Variants in CENPM observed in about 807,000 individuals in gnomAD.
The protein encoded by CENPM is interphase centromere complex protein 39.
A neutral mutation model predicts 19.6 loss-of-function variants in CENPM; 14 were observed. The observed-to-expected ratio is 0.71, with a 90% confidence interval of 0.47 to 1.11. CENPM has a LOEUF of 1.11. CENPM is among the 50% of genes most tolerant of loss of function. The pLI is 0.00. For missense variants in CENPM, 239 were observed against 228.4 expected (o/e 1.05, Z -0.30); for synonymous variants, 114 against 101.5 (o/e 1.12, Z -0.74).
chr22:41,932,370 C>T, the CENPM span, among the ~76,000 whole-genome samples: 1 of 152,224 alleles, frequency 6.6e-6, no homozygotes, highest in Non-Finnish European at 1.5e-5. The surrounding 1 kb of genome is among the most constrained non-coding windows in gnomAD (Gnocchi z 4.3). Context: ...AGCACAAAGT[C>T]CTGGCGAGTC....
intron 2 of CENPM, 105 bp downstream of exon 2, chr22:41,946,312 C>A: frequency 1.0e-6 from 1 of 963,826 alleles, no homozygotes. Context: ...GGGAGAAGGA[C>A]CAGCCTCAGA....
At chr22:41,932,139 G>A in the CENPM span, among the ~76,000 whole-genome samples, 3 of 152,230 alleles carry the variant, frequency 2.0e-5, no homozygotes, top group Admixed American at 6.5e-5. This position sits in a 1 kb window ranked among gnomAD's most constrained non-coding sequence, Gnocchi z 4.3. Flanking sequence ...TCTGCTGGCT[G>A]GGTTGGGCCT....
rs894999622 is a variant in CENPM, at chr22:41,938,946, C to T, written c.*110G>A. 19 of 1,425,152 alleles carry T rather than the reference C, an allele frequency of 1.3e-5. 1 individual carries two copies. Among genetic ancestry groups the T allele is most frequent in the South Asian group, 2.7e-5 (2 of 73,488 alleles). The allele number at this position is 1,425,152 out of a possible 1,614,324, so 88.3% of individuals were successfully genotyped here. On this transcript the variant is annotated 3_prime_UTR_variant, in exon 6 of 6. Coordinates refer to ENST00000215980, the MANE Select transcript of CENPM (RefSeq NM_024053.5). ...GCACTGCAGGGAACCTTCCCAGCCA[C>T]GGCGGGCTGAGCCTGGGCCTGTCAA...
chr22:41,929,321 G>A, the CENPM span, among the ~76,000 whole-genome samples: 1 of 152,216 alleles, frequency 6.6e-6, no homozygotes, highest in East Asian at 1.9e-4. Context: ...GCAGAGGCCT[G>A]ACTGAGTACC....
chr22:41,947,087 G>A lies in CENPM; in HGVS notation c.-11C>T, dbSNP rs6002555. 422,943 of 1,611,692 alleles carry A rather than the reference G, an allele frequency of 0.26. 73,319 individuals carry two copies. The highest frequency in any genetic ancestry group is 0.83 in the African/African-American group (62,056 of 74,952). ...CCTCAACACCGACATCACAGCCGCA[G>A]GACCAACCGTTGCTCCTGCGGTGCG... On this transcript the variant is annotated 5_prime_UTR_variant, in exon 1 of 6. Coordinates refer to ENST00000215980, the MANE Select transcript of CENPM (RefSeq NM_024053.5).
intron 3 of CENPM, among the ~76,000 whole-genome samples, 180 bp downstream of exon 3, chr22:41,945,733 G>A (rs1353632654): frequency 6.6e-6 from 1 of 152,132 alleles, no homozygotes; most frequent in African/African-American, 2.4e-5. Flanking sequence ...ATTGTGCCCG[G>A]CCGTTGTGTA....
At chr22:41,943,775 G>A in intron 4 of CENPM, 74 bp from the exon 5 acceptor site, 2 of 1,333,178 alleles carry the variant, frequency 1.5e-6, no homozygotes, top group Non-Finnish European at 2.1e-6. Flanking sequence ...GCTGGGCAGA[G>A]TCACTCACTT....
At chr22:41,940,086 C>A in intron 5 of CENPM, 1 of 729,028 alleles carries the variant, frequency 1.4e-6, no homozygotes, top group East Asian at 2.6e-5. Context: ...ATTTCTCCAC[C>A]CCAACCCGCC....
At chr22:41,945,436 T>A (rs1375923107) in intron 3 of CENPM, 132 bp from the exon 4 acceptor site, 8 of 1,470,306 alleles carry the variant, frequency 5.4e-6, no homozygotes, top group South Asian at 2.8e-5. Context: ...TGGAGAAATA[T>A]TTGTCCTTTA....
intron 5 of CENPM, among the ~76,000 whole-genome samples, chr22:41,941,493 CAG>C (rs2077738266): frequency 6.6e-6 from 1 of 152,182 alleles, no homozygotes; most frequent in South Asian, 2.1e-4. Flanking sequence ...CCACTTGTCA[CAG>C]GGTGAGTAGG....
chr22:41,939,569 T>A (rs1028776102), intron 5 of CENPM, among the ~76,000 whole-genome samples: 1 of 151,856 alleles, frequency 6.6e-6, no homozygotes, highest in South Asian at 2.1e-4. Context: ...GGGCCCCAGA[T>A]GCTCAAGACC....
chr22:41,942,220 C>T (rs905264669), intron 5 of CENPM, among the ~76,000 whole-genome samples: 2 of 152,234 alleles, frequency 1.3e-5, no homozygotes, highest in South Asian at 2.1e-4. Context: ...TGTGGCAGTG[C>T]GGGCCCTGGG....
chr22:41,938,700 T>C (rs1436427216), downstream of CENPM: 1 of 209,206 alleles, frequency 4.8e-6, no homozygotes, highest in Non-Finnish European at 9.6e-6. Context: ...TGAGTCAGTT[T>C]CCTCATCTAC....
chr22:41,939,004 T>G lies in CENPM; in HGVS notation c.*52A>C. The G allele has an allele frequency of 1.2e-6, 2 of 1,601,412 alleles. No homozygotes were observed. The highest frequency in any genetic ancestry group is 1.7e-6 in the Non-Finnish European group (2 of 1,173,564). On this transcript the variant is annotated 3_prime_UTR_variant, in exon 6 of 6. Coordinates refer to ENST00000215980, the MANE Select transcript of CENPM (RefSeq NM_024053.5). ...CTGGACATCCTCAACAGAGAATGTT[T>G]ATGGAGTCAGCACGAAGCCATGAGA...
intron 5 of CENPM, among the ~76,000 whole-genome samples, chr22:41,942,199 T>C (rs1444178665): frequency 6.6e-6 from 1 of 152,244 alleles, no homozygotes; most frequent in African/African-American, 2.4e-5. Context: ...GGAGCAGGCC[T>C]GGCACATGGG....
At chr22:41,939,999 A>T (rs1458271080) in intron 5 of CENPM, 1 of 591,292 alleles carries the variant, frequency 1.7e-6, no homozygotes, top group Non-Finnish European at 3.1e-6. Flanking sequence ...AACCCAAGTC[A>T]GGCCACATCC....
the CENPM span, among the ~76,000 whole-genome samples, chr22:41,930,991 C>G: frequency 1.3e-5 from 2 of 151,860 alleles, no homozygotes; most frequent in Non-Finnish European, 2.9e-5. Flanking sequence ...CACGTGCCAC[C>G]ATGCCCAGCT....
In CENPM at chr22:41,943,621, A is replaced by C; in HGVS notation, c.391T>G (p.Cys131Gly). ...AHTYQSPLLY[C>G]DLEVEGFRAT... is the part of the protein sequence containing the mutation. ...ATCAGCATGCTCACCTCCAGGTCAC[A>C]GTAGAGCAGGGGGCTTTGATAGGTG... The change falls in exon 5 of 6, where the codon TGT becomes GGT. Residue 131 changes from cysteine to glycine, a missense_variant. Cys to Gly is a radical substitution (Grantham distance 159). Transcript: ENST00000215980. 6.2e-7 allele frequency: 1 copy of C among 1,613,690 alleles called. No individual in the cohort carries two copies. The highest frequency in any genetic ancestry group is 8.5e-7 in the Non-Finnish European group (1 of 1,179,790).
intron 1 of CENPM, 162 bp from the exon 2 acceptor site, chr22:41,946,658 G>A (rs2077807673): frequency 4.7e-6 from 3 of 643,830 alleles, no homozygotes; most frequent in African/African-American, 3.6e-5. Context: ...CGGGCTGGGG[G>A]CCTGAGGTTT....
Sources: allele counts gnomAD v4.1 joint callset (sites outside exome capture counted in the v4.1 genomes callset), GRCh38; gene constraint gnomAD v4.1.1; non-coding constraint Gnocchi (gnomAD v3.1); transcripts MANE v1.5; gene names NCBI Gene and HGNC (gene_info 2026-07-23, HGNC 2026-07-21).